The following DNAH10 variants were observed in gnomAD, a reference collection of about 807,000 sequenced individuals.
DNAH10 encodes the protein dynein axonemal heavy chain 10.
A neutral mutation model predicts 506.6 loss-of-function variants in DNAH10; 348 were observed. The ratio of observed to expected loss-of-function variants is 0.69; its 90% confidence interval spans 0.63 to 0.75. The LOEUF (loss-of-function observed/expected upper bound fraction) is 0.75, where lower values mean the gene tolerates loss of function less well. DNAH10 is among the 30% of genes least tolerant of loss of function. The pLI is 0.00. For missense variants in DNAH10, 5,179 were observed against 5,787.1 expected (o/e 0.89, Z 3.41); for synonymous variants, 2,059 against 2,198.6 (o/e 0.94, Z 1.78).
intron 11 of DNAH10, among the ~76,000 whole-genome samples, chr12:123,790,891 G>A (rs376565074): frequency 2.0e-5 from 3 of 152,162 alleles, no homozygotes; most frequent in African/African-American, 7.2e-5. Flanking sequence ...TTGGGAGGCC[G>A]AGGAGAGAGG....
At chr12:123,859,617 A>C (rs1951537932) in intron 38 of DNAH10, among the ~76,000 whole-genome samples, 1 of 152,240 alleles carries the variant, frequency 6.6e-6, no homozygotes, top group Non-Finnish European at 1.5e-5. Context: ...CACCTTATGC[A>C]GTACTGCTGT....
chr12:123,893,444 CGGTG>C lies in DNAH10; in HGVS notation c.9199+10_9199+13del, dbSNP rs756757697. The C allele has an allele frequency of 6.2e-7, 1 of 1,612,084 alleles. No homozygotes were observed. The highest frequency in any genetic ancestry group is 8.5e-7 in the Non-Finnish European group (1 of 1,179,832). On this transcript the variant is annotated intron_variant, in intron 53 of 78. Coordinates refer to ENST00000673944, the MANE Select transcript of DNAH10 (RefSeq NM_001372106.1). Reference sequence around the variant, plus strand: ...GGTGCAGAAACTTCCCAGGTACCCGCGGTGGAGCCTGTGAACCCATTTCCCCTGC... The same window carrying C: ...GGTGCAGAAACTTCCCAGGTACCCGCGAGCCTGTGAACCCATTTCCCCTGC...
At chr12:123,905,252 A>G (rs1190468824) in intron 57 of DNAH10, among the ~76,000 whole-genome samples, 1 of 152,230 alleles carries the variant, frequency 6.6e-6, no homozygotes, top group African/African-American at 2.4e-5. Flanking sequence ...TTATTTAACA[A>G]GGCCTTACTG....
At chr12:123,933,535 C>T in intron 77 of DNAH10, 24 bp downstream of exon 77, 1 of 1,556,936 alleles carries the variant, frequency 6.4e-7, no homozygotes, top group Non-Finnish European at 8.7e-7. Context: ...GTTAGGGATC[C>T]ACAGCCTCTC....
intron 6 of DNAH10, among the ~76,000 whole-genome samples, chr12:123,782,417 T>A (rs1040292045): frequency 7.3e-6 from 1 of 136,230 alleles, no homozygotes; most frequent in African/African-American, 2.8e-5. Flanking sequence ...CTTTCTTTTT[T>A]TTTTTTTTTT....
At chr12:123,775,907 G>A (rs1565889032) in intron 5 of DNAH10, among the ~76,000 whole-genome samples, 1 of 152,168 alleles carries the variant, frequency 6.6e-6, no homozygotes, top group Non-Finnish European at 1.5e-5. Flanking sequence ...GGCTGTGGAG[G>A]CCTCAGGAAA....
rs1370450686 is a variant in DNAH10 at position 123,846,567 on chromosome 12, G to A, written c.5814+413G>A. ...TCCAGGACAGAGGGTAAACTTGTTT[G>A]TTGTACAGGAAATGAAGATAACACT... On this transcript the variant is annotated intron_variant, in intron 32 of 78. Transcript: ENST00000673944. This position sits in a 1 kb window ranked among gnomAD's most constrained non-coding sequence, Gnocchi z 4.5. 6.6e-6 allele frequency among the ~76,000 whole-genome samples: 1 copy of A among 152,188 alleles called. No homozygotes were observed.
chr12:123,844,213 C>A (rs1008150145), intron 30 of DNAH10, among the ~76,000 whole-genome samples: 1 of 152,114 alleles, frequency 6.6e-6, no homozygotes, highest in Non-Finnish European at 1.5e-5. Flanking sequence ...CTCAGTATCA[C>A]GAGAACAGCA....
intron 5 of DNAH10, among the ~76,000 whole-genome samples, chr12:123,778,652 T>C (rs1017567774): frequency 1.3e-5 from 2 of 151,662 alleles, no homozygotes; most frequent in Non-Finnish European, 2.9e-5. Context: ...GCTGAGGTCA[T>C]GTCACTGCAC....
intron 52 of DNAH10, 22 bp downstream of exon 52, chr12:123,887,335 G>A (rs768592435): frequency 1.4e-5 from 22 of 1,606,626 alleles, no homozygotes; most frequent in East Asian, 2.2e-5. Flanking sequence ...GCTGGCGCCC[G>A]CTGTGGCCAA....
intron 28 of DNAH10, among the ~76,000 whole-genome samples, chr12:123,837,005 C>T (rs1021447067): frequency 7.2e-5 from 11 of 151,756 alleles, no homozygotes; most frequent in African/African-American, 2.2e-4. Context: ...GTGCCCAACA[C>T]CACGCCCGGC....
intron 18 of DNAH10, 41 bp from the exon 19 acceptor site, chr12:123,808,756 A>G (rs183616797): frequency 7.5e-5 from 120 of 1,605,438 alleles, no homozygotes; most frequent in Non-Finnish European, 9.6e-5. Context: ...ATTTCACTCT[A>G]GTGAGATACA....
intron 35 of DNAH10, among the ~76,000 whole-genome samples, chr12:123,851,672 A>G (rs1056888902): frequency 6.6e-6 from 1 of 152,212 alleles, no homozygotes; most frequent in African/African-American, 2.4e-5. Flanking sequence ...ACCAGGTTTC[A>G]CATTCTCTCT....
rs1594382166 is a variant in DNAH10 at position 123,918,918 on chromosome 12, G to A, written c.11475G>A (p.Leu3825=). ...MKRLRNIMDT[L]TFSIYNHGCT... Reference sequence around the variant, plus strand: ...GCCTGAGGAACATCATGGACACGCTGACCTTCAGCATCTATAACCACGGCT... The same window carrying A: ...GCCTGAGGAACATCATGGACACGCTAACCTTCAGCATCTATAACCACGGCT... Residue 3825 remains leucine (L), a synonymous_variant, in exon 65 of 79, where the codon CTG becomes CTA. Coordinates refer to ENST00000673944, the MANE Select transcript of DNAH10 (RefSeq NM_001372106.1). 1 of 1,613,504 alleles carries A rather than the reference G, an allele frequency of 6.2e-7. No homozygotes were observed. The highest frequency in any genetic ancestry group is 8.5e-7 in the Non-Finnish European group (1 of 1,179,718).
rs1283184763 is a variant in DNAH10, at chr12:123,907,294, C to T, written c.9816-1967C>T. ...GAAAAAGCAGAGACAGCTGGTGTGT[C>T]AGGGGTAGAGTACTGGGAGGTGGGG... is the stretch of plus-strand genomic sequence containing the variant. On this transcript the variant is annotated intron_variant, in intron 57 of 78. Transcript: ENST00000673944. The surrounding 1 kb of genome is among the most constrained non-coding windows in gnomAD (Gnocchi z 4.4). 2.6e-5 allele frequency among the ~76,000 whole-genome samples: 4 copies of T among 152,148 alleles called. No homozygotes were observed. Among genetic ancestry groups the T allele is most frequent in the African/African-American group, 9.7e-5 (4 of 41,428 alleles).
chr12:123,838,790 G>C, intron 29 of DNAH10, 101 bp downstream of exon 29: 1 of 1,083,892 alleles, frequency 9.2e-7, no homozygotes, highest in Non-Finnish European at 1.3e-6. Context: ...AGAGGGTTAA[G>C]ACTGAAATGC....
rs919097099 is a variant in DNAH10, at chr12:123,845,968, C to T, written c.5631-3C>T. 4 of 1,613,858 alleles carry T rather than the reference C, an allele frequency of 2.5e-6. No homozygotes were observed. The highest frequency in any genetic ancestry group is 3.4e-6 in the Non-Finnish European group (4 of 1,179,796). ...CACTTCCTCCACCTTTCTTGCCGTC[C>T]AGTATCCTGGAGGCCCGAGAGTTTG... On this transcript the variant is annotated splice_region_variant and splice_polypyrimidine_tract_variant and intron_variant, in intron 31 of 78. Transcript: ENST00000673944.
In DNAH10 at chr12:123,853,940, G is replaced by GCA. The variant is rs912242569; in HGVS notation, c.6438+601_6438+602dup. Among the ~76,000 whole-genome samples, 3 of 149,356 alleles carry GCA rather than the reference G, an allele frequency of 2.0e-5. No homozygotes were observed. The highest frequency in any genetic ancestry group is 2.5e-5 in the African/African-American group (1 of 40,558). On this transcript the variant is annotated intron_variant, in intron 36 of 78. Coordinates refer to ENST00000673944, the MANE Select transcript of DNAH10 (RefSeq NM_001372106.1). The surrounding 1 kb of genome is among the most constrained non-coding windows in gnomAD (Gnocchi z 4.7). ...TACGCACACGCACGCACACGCACAC[G>GCA]CACACACACACACATTTGGGTAGTA...
In DNAH10 at chr12:123,784,227, A is replaced by G. The variant is rs569339422; in HGVS notation, c.1230+50A>G. 20 of 1,544,920 alleles carry G rather than the reference A, an allele frequency of 1.3e-5. No homozygotes were observed. In the African/African-American group the frequency reaches 1.8e-4, roughly 14 times the overall value. On this transcript the variant is annotated intron_variant, in intron 8 of 78. Transcript: ENST00000673944. ...CAGTCAGCTCTGTCAAAGAGATTTCATATGATTTAATTTCCCTTTTAAAAA... is the reference window on the plus strand; with the variant it reads ...CAGTCAGCTCTGTCAAAGAGATTTCGTATGATTTAATTTCCCTTTTAAAAA...
Sources: allele counts gnomAD v4.1 joint callset (sites outside exome capture counted in the v4.1 genomes callset), GRCh38; gene constraint gnomAD v4.1.1; non-coding constraint Gnocchi (gnomAD v3.1); transcripts MANE v1.5; gene names NCBI Gene and HGNC (gene_info 2026-07-23, HGNC 2026-07-21).